CDK19: variants seen among roughly 807,000 people sequenced by gnomAD.
CDK19 encodes the protein cyclin dependent kinase 19.
CDK19 carries 20 observed loss-of-function variants against 68.3 expected under a neutral mutation model. The observed-to-expected ratio is 0.29, with a 90% CI of 0.21 to 0.43. The LOEUF (loss-of-function observed/expected upper bound fraction) is 0.43. Ranked by LOEUF, CDK19 falls within the 20% of genes least tolerant of loss-of-function variation. The pLI, the probability that CDK19 is intolerant of heterozygous loss-of-function variation, is 1.00. For missense variants in CDK19, 339 were observed against 623.5 expected (o/e 0.54, Z 4.86); for synonymous variants, 221 against 222.8 (o/e 0.99, Z 0.07).
chr6:110,647,338 A>G (rs528967857), intron 4 of CDK19, among the ~76,000 whole-genome samples: 1 of 142,656 alleles, frequency 7.0e-6, no homozygotes, highest in East Asian at 2.4e-4. Flanking sequence ...AGCGAAACCC[A>G]AGCCCCTCCT....
chr6:110,632,470 C>T (rs1444752842), intron 5 of CDK19, among the ~76,000 whole-genome samples: 1 of 152,210 alleles, frequency 6.6e-6, no homozygotes, highest in African/African-American at 2.4e-5. Context: ...GTGGCTCACA[C>T]CTATAATCCC....
At chr6:110,778,302 ACT>A (rs1468332758) in intron 1 of CDK19, among the ~76,000 whole-genome samples, 1 of 152,226 alleles carries the variant, frequency 6.6e-6, no homozygotes, top group Non-Finnish European at 1.5e-5. Context: ...CATACTACAC[ACT>A]TTTTTAAAAA....
At chr6:110,680,249 G>C (rs150708180) in intron 2 of CDK19, among the ~76,000 whole-genome samples, 28 of 152,338 alleles carry the variant, frequency 1.8e-4, no homozygotes, top group Middle Eastern at 3.4e-3. Context: ...GAATATCTCA[G>C]GATGGGATCT....
chr6:110,746,072 AATC>A (rs1778054361), intron 2 of CDK19, 51 bp downstream of exon 2: 2 of 866,976 alleles, frequency 2.3e-6, no homozygotes, highest in South Asian at 3.8e-5. Context: ...TATTAAAATA[AATC>A]ATCACCCAAT....
chr6:110,646,011 G>A, intron 4 of CDK19: 1 of 1,024,034 alleles, frequency 9.8e-7, no homozygotes, highest in South Asian at 1.4e-5. Context: ...CAAGCAGGGT[G>A]TGCGGTCGCG....
At chr6:110,692,409 G>A (rs2114588078) in intron 2 of CDK19, among the ~76,000 whole-genome samples, 1 of 152,064 alleles carries the variant, frequency 6.6e-6, no homozygotes, top group Admixed American at 6.5e-5. Context: ...CGAAGCTAAG[G>A]CTTTTGAACT....
intron 1 of CDK19, among the ~76,000 whole-genome samples, chr6:110,786,426 A>T (rs1052711481): frequency 2.0e-5 from 3 of 152,104 alleles, no homozygotes. Context: ...CTGTGAAGTC[A>T]TGCACAACAT....
At chr6:110,774,300 C>T (rs996815209) in intron 1 of CDK19, among the ~76,000 whole-genome samples, 1 of 152,146 alleles carries the variant, frequency 6.6e-6, no homozygotes, top group Admixed American at 6.5e-5. Context: ...AGTAGTCCCC[C>T]CTTATCCATG....
chr6:110,685,923 G>A (rs897429387), intron 2 of CDK19, among the ~76,000 whole-genome samples: 6 of 152,128 alleles, frequency 3.9e-5, no homozygotes, highest in African/African-American at 1.4e-4. Flanking sequence ...CGTATGTATG[G>A]CCTTTACCTT....
intron 2 of CDK19, among the ~76,000 whole-genome samples, chr6:110,744,762 G>C (rs1021706261): frequency 6.6e-6 from 1 of 152,162 alleles, no homozygotes; most frequent in Non-Finnish European, 1.5e-5. Context: ...GATTAGAAGA[G>C]ACCTAATAGT....
chr6:110,713,026 G>A (rs568753335), intron 2 of CDK19, among the ~76,000 whole-genome samples: 6 of 151,870 alleles, frequency 4.0e-5, no homozygotes, highest in East Asian at 1.9e-4. Context: ...GTGAAACCCC[G>A]TCTCTACTAA....
intron 1 of CDK19, among the ~76,000 whole-genome samples, chr6:110,802,271 G>A (rs887359813): frequency 7.2e-5 from 11 of 152,150 alleles, no homozygotes; most frequent in Non-Finnish European, 1.3e-4. Context: ...CAAAAGTCAT[G>A]GAATCCTCCT....
intron 2 of CDK19, among the ~76,000 whole-genome samples, chr6:110,725,504 A>C (rs912845759): frequency 6.6e-6 from 1 of 152,206 alleles, no homozygotes; most frequent in Non-Finnish European, 1.5e-5. Context: ...AAAAAGATTT[A>C]AAATATCTTA....
rs1218742271 is a variant in CDK19 at position 110,730,136 on chromosome 6, T to C, written c.204+15990A>G. On this transcript the variant is annotated intron_variant, in intron 2 of 12. Transcript: ENST00000368911. Reference sequence around the variant, plus strand: ...CAGCAAAATCCAGAGCCTATCTTGATTGGATTTATTATACTCCAATTGGAG... The same window carrying C: ...CAGCAAAATCCAGAGCCTATCTTGACTGGATTTATTATACTCCAATTGGAG... 3.3e-5 allele frequency among the ~76,000 whole-genome samples: 5 copies of C among 152,208 alleles called. 1 individual carries two copies. The South Asian group carries it at 8.3e-4, about 25-fold the overall frequency.
intron 2 of CDK19, among the ~76,000 whole-genome samples, chr6:110,741,508 G>A (rs557935301): frequency 6.6e-6 from 1 of 150,986 alleles, no homozygotes; most frequent in Admixed American, 6.6e-5. Flanking sequence ...AATGATGGCT[G>A]AAAACTTTTC....
chr6:110,811,608 G>GA (rs1783106918), intron 1 of CDK19, among the ~76,000 whole-genome samples: 1 of 152,116 alleles, frequency 6.6e-6, no homozygotes, highest in African/African-American at 2.4e-5. Context: ...TTTCTAACTG[G>GA]AAAAATGCAG....
chr6:110,713,866 A>C (rs1775160720), intron 2 of CDK19, among the ~76,000 whole-genome samples: 1 of 152,184 alleles, frequency 6.6e-6, no homozygotes, highest in South Asian at 2.1e-4. Flanking sequence ...AAAATTTTAA[A>C]ATGTTTTAAA....
At chr6:110,622,502 A>T (rs1778783082) in intron 10 of CDK19, among the ~76,000 whole-genome samples, 1 of 152,268 alleles carries the variant, frequency 6.6e-6, no homozygotes, top group African/African-American at 2.4e-5. Flanking sequence ...TCTGAAAGAC[A>T]GATTAACTTC....
chr6:110,746,258 A>G, intron 1 of CDK19, 57 bp from the exon 2 acceptor site: 8 of 1,043,442 alleles, frequency 7.7e-6, no homozygotes, highest in Non-Finnish European at 1.2e-5. Context: ...ATTCAAAATT[A>G]TAACTACAAA....
Sources: gnomAD v4.1 joint callset for allele counts (sites outside exome capture counted in the v4.1 genomes callset) on GRCh38, gnomAD v4.1.1 for gene constraint, MANE v1.5 for transcripts, NCBI Gene and HGNC (gene_info 2026-07-23, HGNC 2026-07-21) for gene names.